The following MAX variants were observed in gnomAD, a reference collection of about 807,000 sequenced individuals.
The protein encoded by MAX is MYC associated transcriptional regulator X, also known as protein max.
In MAX, 3 loss-of-function variants were observed where a neutral mutation model predicts 22.3. The ratio of observed to expected loss-of-function variants is 0.13; its 90% confidence interval spans 0.06 to 0.35. The LOEUF is 0.35. Ranked by LOEUF, MAX falls within the 10% of genes least tolerant of loss-of-function variation. MAX has a pLI of 1.00. For missense variants in MAX, 119 were observed against 209.4 expected (o/e 0.57, Z 2.66); for synonymous variants, 72 against 77.7 (o/e 0.93, Z 0.39).
In MAX at chr14:65,093,282, AT is replaced by A. The variant is rs2063563862; in HGVS notation, c.171+425del. Among the ~76,000 whole-genome samples, 2 of 146,540 alleles carry A rather than the reference AT, an allele frequency of 1.4e-5. No homozygotes were observed. The highest frequency in any genetic ancestry group is 3.0e-5 in the Non-Finnish European group (2 of 67,422). ...GTTGTTTTTCACATACATTACACAC[AT>A]TTCTGCAAGTGCTCATTTACAATAA... On this transcript the variant is annotated intron_variant, in intron 3 of 4. Coordinates refer to ENST00000358664, the MANE Select transcript of MAX (RefSeq NM_002382.5). This position sits in a 1 kb window ranked among gnomAD's most constrained non-coding sequence, Gnocchi z 4.4.
chr14:65,054,300 C>CG lies in MAX; in HGVS notation c.171+39407dup, dbSNP rs1319083054. 6.6e-6 allele frequency among the ~76,000 whole-genome samples: 1 copy of CG among 151,858 alleles called. No individual in the cohort carries two copies. Among genetic ancestry groups the CG allele is most frequent in the Non-Finnish European group, 1.5e-5 (1 of 67,988 alleles). ...GCTAATTTTTAATTTTTTGTAGAGA[C>CG]GGGGTCTCCCATGTTGCCCAAGTTG... On this transcript the variant is annotated intron_variant, in intron 3 of 3. Coordinates refer to the MAX transcript ENST00000341653. This position sits in a 1 kb window ranked among gnomAD's most constrained non-coding sequence, Gnocchi z 4.4.
At chr14:65,022,174 G>C in intron 3 of MAX, 2 of 420,988 alleles carry the variant, frequency 4.8e-6, no homozygotes, top group South Asian at 3.4e-5. Flanking sequence ...GTTAGTACGA[G>C]AACAAGCTTG....
intron 3 of MAX, among the ~76,000 whole-genome samples, chr14:65,063,299 G>A (rs1027846517): frequency 6.6e-6 from 1 of 152,166 alleles, no homozygotes; most frequent in African/African-American, 2.4e-5. Flanking sequence ...ATAACAAAAG[G>A]CAAAATCCTC....
downstream of MAX, among the ~76,000 whole-genome samples, chr14:65,070,894 A>G (rs2062981208): frequency 6.6e-6 from 1 of 152,244 alleles, no homozygotes; most frequent in Non-Finnish European, 1.5e-5. This position sits in a 1 kb window ranked among gnomAD's most constrained non-coding sequence, Gnocchi z 4.4. Flanking sequence ...AACTGGAATG[A>G]AGAACAGGGC....
chr14:65,066,350 T>C (rs568911125), intron 3 of MAX, among the ~76,000 whole-genome samples: 1 of 152,160 alleles, frequency 6.6e-6, no homozygotes, highest in African/African-American at 2.4e-5. Context: ...CCTCACACTT[T>C]CCTGCAGTAA....
chr14:65,033,836 G>A (rs139388339), intron 3 of MAX, among the ~76,000 whole-genome samples: 1 of 152,120 alleles, frequency 6.6e-6, no homozygotes, highest in African/African-American at 2.4e-5. Flanking sequence ...CAGCCTGGGC[G>A]ACAGGGCGAG....
Position 65,044,376 on chromosome 14 carries a change from G to A in MAX, c.172-38092C>T. On this transcript the variant is annotated intron_variant, in intron 3 of 3. Transcript: ENST00000341653. The surrounding 1 kb of genome is among the most constrained non-coding windows in gnomAD (Gnocchi z 5.5). ...TTCAGGGCCGCTGCAACAAGCTGGT[G>A]GATGGCTGCTACTCCTTCTGGCAGG... The A allele has an allele frequency of 6.2e-7, 1 of 1,613,464 alleles. No individual in the cohort carries two copies. The highest frequency in any genetic ancestry group is 8.5e-7 in the Non-Finnish European group (1 of 1,179,800).
At chr14:65,048,117 G>A (rs2062524836) in intron 3 of MAX, among the ~76,000 whole-genome samples, 1 of 150,532 alleles carries the variant, frequency 6.6e-6, no homozygotes, top group Non-Finnish European at 1.5e-5. Flanking sequence ...GTGTAGCTGG[G>A]ATTACAGGCG....
downstream of MAX, among the ~76,000 whole-genome samples, chr14:65,071,419 C>T (rs2062987566): frequency 6.6e-6 from 1 of 152,230 alleles, no homozygotes; most frequent in South Asian, 2.1e-4. This position sits in a 1 kb window ranked among gnomAD's most constrained non-coding sequence, Gnocchi z 4.2. Context: ...GCTGATATTA[C>T]AGGTGTGAGC....
chr14:65,017,683 G>C (rs2061804096), intron 3 of MAX, among the ~76,000 whole-genome samples: 1 of 152,152 alleles, frequency 6.6e-6, no homozygotes, highest in Non-Finnish European at 1.5e-5. Flanking sequence ...AGCTGGGTGT[G>C]GTGGCTCACG....
Position 65,054,475 on chromosome 14 carries a change from G to A in MAX, c.171+39233C>T. 1.7e-6 allele frequency: 2 copies of A among 1,189,526 alleles called. No homozygotes were observed. Among genetic ancestry groups the A allele is most frequent in the South Asian group, 2.8e-5 (2 of 70,924 alleles). The allele number at this position is 1,189,526 out of a possible 1,614,324, so 73.7% of individuals were successfully genotyped here. A position where few individuals can be genotyped will look rare whatever the true frequency, so the allele number is the denominator to read the frequency against. ...CTCTAGCCACATGGAGGATGGGGGG[G>A]GACGTGTGATTGCACCAGTGGTCTC... On this transcript the variant is annotated intron_variant, in intron 3 of 3. Coordinates refer to the MAX transcript ENST00000341653. This position sits in a 1 kb window ranked among gnomAD's most constrained non-coding sequence, Gnocchi z 4.4.
Position 65,054,520 on chromosome 14 carries a change from T to G in MAX, c.171+39188A>C. The G allele has an allele frequency of 6.5e-7, 1 of 1,546,334 alleles. No homozygotes were observed. The highest frequency in any genetic ancestry group is 2.4e-5 in the East Asian group (1 of 42,178). On this transcript the variant is annotated intron_variant, in intron 3 of 3. Coordinates refer to the MAX transcript ENST00000341653. The surrounding 1 kb of genome is among the most constrained non-coding windows in gnomAD (Gnocchi z 4.4). Reference sequence around the variant, plus strand: ...GGTCTCTGAATTGGTGTGGCTACATTTGTAGATGTGTGCGGAGCAGAGGAG... The same window carrying G: ...GGTCTCTGAATTGGTGTGGCTACATGTGTAGATGTGTGCGGAGCAGAGGAG...
chr14:65,060,189 C>T (rs1434287719), intron 3 of MAX, among the ~76,000 whole-genome samples: 1 of 151,870 alleles, frequency 6.6e-6, no homozygotes, highest in African/African-American at 2.4e-5. Flanking sequence ...AATTGGGATA[C>T]ATAAAATATA....
chr14:65,075,598 G>A lies in MAX; in HGVS notation c.*878C>T. ...TCGCTTTGCAAGACCGACATCATCA[G>A]AAATAGGTACAATTCACTCAGATTC... On this transcript the variant is annotated 3_prime_UTR_variant, in exon 5 of 5. Coordinates refer to ENST00000358664, the MANE Select transcript of MAX (RefSeq NM_002382.5). The surrounding 1 kb of genome is among the most constrained non-coding windows in gnomAD (Gnocchi z 4.1). 9.4e-7 allele frequency: 1 copy of A among 1,066,340 alleles called. No individual in the cohort carries two copies. The highest frequency in any genetic ancestry group is 4.5e-5 in the South Asian group (1 of 21,986). 66.1% of individuals were successfully genotyped at this position (1,066,340 alleles called of 1,614,324 possible).
At chr14:65,036,398 G>C (rs958221175) in intron 3 of MAX, among the ~76,000 whole-genome samples, 6 of 151,522 alleles carry the variant, frequency 4.0e-5, no homozygotes, top group African/African-American at 1.5e-4. Context: ...CACCACACCT[G>C]GCTAATTTTT....
At chr14:65,097,565 T>C (rs1331834113) in intron 2 of MAX, among the ~76,000 whole-genome samples, 2 of 152,218 alleles carry the variant, frequency 1.3e-5, no homozygotes, top group Non-Finnish European at 2.9e-5. Flanking sequence ...ATATAGGGAA[T>C]TAGTTGCCCA....
intron 3 of MAX, among the ~76,000 whole-genome samples, chr14:65,035,035 C>T (rs1470096773): frequency 1.3e-5 from 2 of 152,236 alleles, no homozygotes; most frequent in Non-Finnish European, 2.9e-5. Context: ...TTTGTTTCCC[C>T]AGCACGTATG....
At chr14:65,072,030 A>C (rs529080624), downstream of MAX, among the ~76,000 whole-genome samples, 1 of 152,158 alleles carries the variant, frequency 6.6e-6, no homozygotes, top group African/African-American at 2.4e-5. Flanking sequence ...TCTATTCGCT[A>C]TCTAGCAGTG....
chr14:65,033,506 G>C (rs1439379850), intron 3 of MAX, among the ~76,000 whole-genome samples: 1 of 152,190 alleles, frequency 6.6e-6, no homozygotes, highest in Non-Finnish European at 1.5e-5. Flanking sequence ...TCTTAGATAC[G>C]TGTATGTTCT....
Sources: allele counts gnomAD v4.1 joint callset (sites outside exome capture counted in the v4.1 genomes callset), GRCh38; gene constraint gnomAD v4.1.1; non-coding constraint Gnocchi (gnomAD v3.1); transcripts MANE v1.5; gene names NCBI Gene and HGNC (gene_info 2026-07-23, HGNC 2026-07-21).